The following DOCK8 variants were observed in gnomAD, a reference collection of about 807,000 sequenced individuals.
The protein encoded by DOCK8 is dedicator of cytokinesis 8.
Under a neutral mutation model 245.6 loss-of-function variants are expected in DOCK8, and 141 were observed. The ratio of observed to expected loss-of-function variants is 0.57; its 90% CI spans 0.50 to 0.66. DOCK8 has a LOEUF of 0.66. Among genes scored for constraint, DOCK8 ranks in the 30% least tolerant of loss-of-function variants. The pLI is 0.00. For synonymous variants in DOCK8, 1,168 were observed against 970.2 expected, an observed-to-expected ratio of 1.20 and a Z score of -3.79; for missense variants, 2,965 against 2,603.4, an observed-to-expected ratio of 1.14 and a Z score of -3.02.
At chr9:291,982 A>G (rs1268439257) in intron 4 of DOCK8, among the ~76,000 whole-genome samples, 2 of 149,640 alleles carry the variant, frequency 1.3e-5, no homozygotes, top group Non-Finnish European at 3.0e-5. Flanking sequence ...AGGCAGGAGG[A>G]TCACTTGAGC....
At chr9:395,739 A>G (rs999372772) in intron 24 of DOCK8, among the ~76,000 whole-genome samples, 1 of 152,146 alleles carries the variant, frequency 6.6e-6, no homozygotes, top group African/African-American at 2.4e-5. Context: ...TGACCTGTGA[A>G]TCTCCTGGCC....
chr9:313,304 C>T (rs917712216), intron 6 of DOCK8, among the ~76,000 whole-genome samples: 6 of 152,196 alleles, frequency 3.9e-5, no homozygotes, highest in Admixed American at 6.5e-5. Flanking sequence ...AGATTGTGCT[C>T]ATTTTGTAAC....
In DOCK8 at chr9:336,621, C is replaced by T. The variant is rs745498345; in HGVS notation, c.1325C>T (p.Ser442Phe). ...SVGERRTLAQ[S>F]RRLSERALSL... ...GGTGAACGGAGGACATTGGCCCAAT[C>T]TAGAAGGCTTTCTGAAAGAGCCCTC... The change falls in exon 12 of 48, where the codon TCT (serine) becomes TTT (phenylalanine). Residue 442 changes from serine to phenylalanine, a missense_variant. Transcript: ENST00000432829. The T allele has an allele frequency of 4.6e-5, 74 of 1,614,052 alleles. No homozygotes were observed. The highest frequency in any genetic ancestry group is 6.1e-5 in the Non-Finnish European group (72 of 1,180,034).
At chr9:383,132 G>A (rs1178304563) in intron 22 of DOCK8, among the ~76,000 whole-genome samples, 2 of 152,202 alleles carry the variant, frequency 1.3e-5, no homozygotes, top group African/African-American at 4.8e-5. Flanking sequence ...GGGCATGGTG[G>A]CTCATGCCTG....
At chr9:413,295 A>G (rs1451503532) in intron 28 of DOCK8, among the ~76,000 whole-genome samples, 1 of 152,204 alleles carries the variant, frequency 6.6e-6, no homozygotes, top group Non-Finnish European at 1.5e-5. Context: ...AGCTAAAACT[A>G]TAAAATTGTT....
intron 1 of DOCK8, among the ~76,000 whole-genome samples, chr9:239,074 T>C (rs1236867748): frequency 3.9e-5 from 6 of 152,228 alleles, no homozygotes; most frequent in Non-Finnish European, 8.8e-5. Context: ...ACACAGACGG[T>C]GGCTCCAGCC....
intron 39 of DOCK8, 84 bp downstream of exon 39, chr9:435,059 T>G (rs1279854380): frequency 2.6e-6 from 4 of 1,520,804 alleles, no homozygotes; most frequent in Non-Finnish European, 2.7e-6. Flanking sequence ...CATTTGGCAA[T>G]GTCTAGATAC....
intron 8 of DOCK8, among the ~76,000 whole-genome samples, chr9:327,673 G>A (rs898066300): frequency 6.6e-6 from 1 of 152,096 alleles, no homozygotes; most frequent in Non-Finnish European, 1.5e-5. Flanking sequence ...CTGGGATTAC[G>A]AGTGTGAACC....
Position 396,926 on chromosome 9 carries a change from C to G in DOCK8, c.3112C>G (p.Pro1038Ala). ...GGAAATTGCAGCCCTTTTAGTAAAA[C>G]CACAGAAGGTAACTGTATTTTACTC... ...TSEIAALLVK[P>A]QKENEQAEKM... The change falls in exon 25 of 48, where the codon CCA becomes GCA. Residue 1038 changes from proline to alanine, a missense_variant. Physicochemically the swap from Pro to Ala is conservative, Grantham distance 27. Coordinates refer to ENST00000432829, the MANE Select transcript of DOCK8 (RefSeq NM_203447.4). 6.2e-7 allele frequency: 1 copy of G among 1,613,828 alleles called. No individual in the cohort carries two copies. The highest frequency in any genetic ancestry group is 1.1e-5 in the South Asian group (1 of 91,076).
intron 14 of DOCK8, among the ~76,000 whole-genome samples, chr9:342,378 T>G (rs936385957): frequency 6.6e-6 from 1 of 151,934 alleles, no homozygotes; most frequent in African/African-American, 2.4e-5. Context: ...TTCCACAAGT[T>G]TTACCAATGG....
Position 399,209 on chromosome 9 carries a change from C to T in DOCK8, c.3184C>T (p.Leu1062Phe). 6.2e-7 allele frequency: 1 copy of T among 1,614,040 alleles called. No individual in the cohort carries two copies. The highest frequency in any genetic ancestry group is 1.3e-5 in the African/African-American group (1 of 75,036). Residue 1062 changes from leucine to phenylalanine, a missense_variant, in exon 26 of 48, where the codon CTC becomes TTC. This residue lies in a region of DOCK8 where 2,825 missense variants were observed against 2,453.5 expected (regional missense o/e 1.15). Transcript: ENST00000432829. ...LAFFLYDLLS[L>F]MDRGFVFNLI... is the part of the protein sequence containing the mutation. ...TTTCTTCTTGTATGACCTTCTCTCC[C>T]TCATGGATCGGGGCTTTGTGTTTAA...
At chr9:396,760 A>T (rs746815111) in intron 24 of DOCK8, 25 bp from the exon 25 acceptor site, 2 of 1,614,060 alleles carry the variant, frequency 1.2e-6, no homozygotes, top group Middle Eastern at 1.6e-4. Flanking sequence ...CTCCATGTTG[A>T]CATTTCCTCC....
chr9:366,590 G>A (rs544641821), intron 14 of DOCK8: 1 of 152,316 alleles, frequency 6.6e-6, no homozygotes, highest in East Asian at 1.9e-4. Flanking sequence ...TAATTTCTCA[G>A]AATGTTAAAT....
Position 429,825 on chromosome 9 carries a change from C to G in DOCK8, c.4597C>G (p.Leu1533Val), listed in dbSNP as rs1186221992. 1 of 1,614,032 alleles carries G rather than the reference C, an allele frequency of 6.2e-7. No homozygotes were observed. Among genetic ancestry groups the G allele is most frequent in the African/African-American group, 1.3e-5 (1 of 74,920 alleles). The change falls in exon 36 of 48, where the codon CTC becomes GTC. Residue 1533 changes from leucine to valine, a missense_variant. This residue lies in a region of DOCK8 where 2,825 missense variants were observed against 2,453.5 expected (regional missense o/e 1.15). Coordinates refer to ENST00000432829, the MANE Select transcript of DOCK8 (RefSeq NM_203447.4). ...CCAAGCCTGTGCCACCCTTTACCTC[C>G]TCATGAGGTTCAGTTTTGGAGCCAC... ...RSQACATLYL[L>V]MRFSFGATSN...
intron 14 of DOCK8, among the ~76,000 whole-genome samples, chr9:344,623 A>T (rs978287902): frequency 6.6e-6 from 1 of 152,122 alleles, no homozygotes; most frequent in African/African-American, 2.4e-5. Context: ...CCCATATCTC[A>T]AAAAACCTGG....
intron 28 of DOCK8, among the ~76,000 whole-genome samples, chr9:412,381 G>A (rs2055775082): frequency 6.8e-6 from 1 of 147,862 alleles, no homozygotes. Flanking sequence ...CTCCAGCCTG[G>A]GCCACAGAGT....
intron 38 of DOCK8, 59 bp downstream of exon 38, chr9:434,034 G>A (rs1055402748): frequency 8.1e-7 from 1 of 1,229,316 alleles, no homozygotes; most frequent in Admixed American, 1.7e-5. Flanking sequence ...TTGTCACTGT[G>A]GAGTTCTTAC....
chr9:430,112 C>G (rs774907607), intron 36 of DOCK8, among the ~76,000 whole-genome samples: 8 of 152,178 alleles, frequency 5.3e-5, no homozygotes, highest in Non-Finnish European at 1.0e-4. Flanking sequence ...CGATGGCTTT[C>G]ACCTATAATC....
At chr9:408,908 GCA>G (rs146609576) in intron 28 of DOCK8, among the ~76,000 whole-genome samples, 1 of 140,194 alleles carries the variant, frequency 7.1e-6, no homozygotes, top group South Asian at 2.1e-4. Flanking sequence ...GCGTGCACAT[GCA>G]CACACACAGT....
Sources: allele counts gnomAD v4.1 joint callset (sites outside exome capture counted in the v4.1 genomes callset), GRCh38; gene constraint gnomAD v4.1.1; regional missense constraint gnomAD v4.1.1; transcripts MANE v1.5; gene names NCBI Gene and HGNC (gene_info 2026-07-23, HGNC 2026-07-21).